USP28: variants seen among roughly 807,000 people sequenced by gnomAD.
The protein encoded by USP28 is ubiquitin carboxyl-terminal hydrolase 28.
Under a neutral mutation model 145.0 loss-of-function variants are expected in USP28, and 113 were observed. That is an observed-to-expected ratio of 0.78 (90% CI 0.67 to 0.91). USP28 has a LOEUF of 0.91. Ranked by LOEUF, USP28 falls within the 40% of genes least tolerant of loss-of-function variation. The probability of loss-of-function intolerance (pLI) is 0.00; values close to 1 mark genes in which losing one functional copy is unlikely to be tolerated. For synonymous variants in USP28, 447 were observed against 450.9 expected (o/e 0.99, Z 0.11); for missense variants, 1,201 against 1,289.6 (o/e 0.93, Z 1.05).
At chr11:113,813,838 AC>A (rs990546156) in intron 15 of USP28, 46 bp downstream of exon 15, 1 of 1,466,078 alleles carries the variant, frequency 6.8e-7, no homozygotes, top group African/African-American at 1.4e-5. Flanking sequence ...TTTTGTATCT[AC>A]CATTAGCACA....
At chr11:113,842,422 A>C (rs1945301852) in intron 3 of USP28, among the ~76,000 whole-genome samples, 1 of 152,030 alleles carries the variant, frequency 6.6e-6, no homozygotes, top group South Asian at 2.1e-4. Context: ...CGTCTCTACT[A>C]AAAATACAAA....
At chr11:113,808,538 T>C (rs551732230) in intron 17 of USP28, 101 bp from the exon 18 acceptor site, 3 of 1,255,534 alleles carry the variant, frequency 2.4e-6, no homozygotes, top group South Asian at 3.8e-5. Context: ...TATACAACCC[T>C]GTTAACACAG....
intron 1 of USP28, among the ~76,000 whole-genome samples, chr11:113,856,027 C>T (rs1321420398): frequency 2.0e-5 from 3 of 152,200 alleles, no homozygotes; most frequent in Non-Finnish European, 4.4e-5. Flanking sequence ...CAGACTTTCA[C>T]GCTATGAGTC....
At chr11:113,847,995 C>A (rs933851651) in intron 3 of USP28, among the ~76,000 whole-genome samples, 1 of 151,948 alleles carries the variant, frequency 6.6e-6, no homozygotes, top group Non-Finnish European at 1.5e-5. Context: ...AATAAAAAAA[C>A]AACAGGTTCA....
intron 5 of USP28, among the ~76,000 whole-genome samples, chr11:113,840,024 C>CA (rs1207153791): frequency 3.3e-5 from 5 of 151,950 alleles, no homozygotes; most frequent in East Asian, 1.9e-4. Context: ...AAGAAAAAAA[C>CA]AAAAAACAAA....
chr11:113,840,553 A>C (rs772056055), intron 5 of USP28, 45 bp downstream of exon 5: 17 of 1,579,610 alleles, frequency 1.1e-5, no homozygotes, highest in Non-Finnish European at 1.5e-5. Flanking sequence ...AATAAATTAC[A>C]AAGTTATTTC....
intron 12 of USP28, chr11:113,821,318 C>A: frequency 4.4e-6 from 1 of 225,980 alleles, no homozygotes; most frequent in South Asian, 8.2e-5. Context: ...TACATGGAAC[C>A]AAGAAAGTAA....
chr11:113,831,066 G>T (rs545055371), intron 8 of USP28, 123 bp from the exon 9 acceptor site: 16 of 872,052 alleles, frequency 1.8e-5, no homozygotes, highest in Non-Finnish European at 2.8e-5. Context: ...AGCCAGGTAT[G>T]ATCTAAATAA....
intron 16 of USP28, among the ~76,000 whole-genome samples, chr11:113,810,034 CAAAA>C (rs368686301): frequency 2.9e-5 from 2 of 68,982 alleles, no homozygotes; most frequent in African/African-American, 5.7e-5. Context: ...GACTCCATCT[CAAAA>C]AAAAAAAAAA....
intron 15 of USP28, among the ~76,000 whole-genome samples, chr11:113,812,856 T>G (rs1941206297): frequency 6.6e-6 from 1 of 152,230 alleles, no homozygotes; most frequent in South Asian, 2.1e-4. Context: ...TGAAAATGCT[T>G]AGCATATTTG....
intron 24 of USP28, among the ~76,000 whole-genome samples, chr11:113,800,268 GC>G (rs1243415732): frequency 2.6e-5 from 4 of 151,998 alleles, no homozygotes; most frequent in Admixed American, 2.0e-4. Context: ...GCCTCCCAAA[GC>G]GCTGGGACTA....
At chr11:113,809,927 T>C (rs2135362892) in intron 16 of USP28, among the ~76,000 whole-genome samples, 1 of 151,114 alleles carries the variant, frequency 6.6e-6, no homozygotes, top group South Asian at 2.1e-4. Flanking sequence ...CCCAGCTACT[T>C]AGAAGGCTGA....
At chr11:113,829,286 G>A (rs756902099) in exon 10 of USP28, 55 of 1,613,940 alleles carry the variant, frequency 3.4e-5, no homozygotes, top group Non-Finnish European at 4.4e-5. Flanking sequence ...TCTAAGTTGC[G>A]ATAACCGTTT....
intron 11 of USP28, among the ~76,000 whole-genome samples, chr11:113,826,336 C>CTTTTTT (rs1565394775): frequency 8.7e-6 from 1 of 115,220 alleles, no homozygotes; most frequent in African/African-American, 3.2e-5. Flanking sequence ...CCACCACACC[C>CTTTTTT]ATTTTTTTTT....
chr11:113,854,308 TCA>T lies in USP28; in HGVS notation c.83_84del (p.Leu28GlnfsTer14). ...GGGTCCTGAATGCCTGTGATTTCTC[TCA>T]GTTGATTTAACAGCATTTGGCAGCT... On this transcript the variant is annotated frameshift_variant, in exon 2 of 25. Transcript: ENST00000003302. LOFTEE classifies it high-confidence loss of function. 1 of 1,614,106 alleles carries T rather than the reference TCA, an allele frequency of 6.2e-7. No homozygotes were observed. The highest frequency in any genetic ancestry group is 2.2e-5 in the East Asian group (1 of 44,884).
rs1462668217 is a variant in USP28 at position 113,804,756 on chromosome 11, G to A, written c.2580-5C>T. ...ACCTTCATAATGCTGATTGATCTGT[G>A]TGGGACAAAGTTCAGAAAGCAATGA... On this transcript the variant is annotated splice_polypyrimidine_tract_variant and splice_region_variant and intron_variant, in intron 20 of 24. Transcript: ENST00000003302. 6 of 1,612,312 alleles carry A rather than the reference G, an allele frequency of 3.7e-6. No individual in the cohort carries two copies. The highest frequency in any genetic ancestry group is 4.2e-6 in the Non-Finnish European group (5 of 1,179,996).
intron 3 of USP28, among the ~76,000 whole-genome samples, chr11:113,849,136 T>C (rs1007882160): frequency 3.3e-5 from 5 of 152,218 alleles, no homozygotes; most frequent in East Asian, 1.9e-4. Flanking sequence ...AAATGGTTTA[T>C]ACAGGCTCTT....
At chr11:113,858,172 C>T (rs1464436444) in intron 1 of USP28, among the ~76,000 whole-genome samples, 2 of 152,134 alleles carry the variant, frequency 1.3e-5, no homozygotes, top group Admixed American at 1.3e-4. Context: ...GGCCTAGTGA[C>T]CTTTTTTTAA....
At chr11:113,848,770 C>T (rs1194794528) in intron 3 of USP28, among the ~76,000 whole-genome samples, 2 of 152,164 alleles carry the variant, frequency 1.3e-5, no homozygotes, top group Non-Finnish European at 2.9e-5. Flanking sequence ...ACTTGTCCTT[C>T]AAGCAATAAT....
Sources: allele counts gnomAD v4.1 joint callset (sites outside exome capture counted in the v4.1 genomes callset), GRCh38; gene constraint gnomAD v4.1.1; transcripts MANE v1.5; gene names NCBI Gene and HGNC (gene_info 2026-07-23, HGNC 2026-07-21).